Variants in COL7A1 observed in about 807,000 individuals in gnomAD.
COL7A1 encodes the protein collagen alpha-1(VII) chain.
In COL7A1, 296 loss-of-function variants were observed where a neutral mutation model predicts 456.2. That is an observed-to-expected ratio of 0.65 (90% CI 0.59 to 0.71). The LOEUF (loss-of-function observed/expected upper bound fraction) is 0.71. Ranked by LOEUF, COL7A1 falls within the 30% of genes least tolerant of loss-of-function variation. The pLI is 0.00. For missense variants in COL7A1, 3,441 were observed against 4,017.2 expected (o/e 0.86, Z 3.88); for synonymous variants, 1,464 against 1,525.9 (o/e 0.96, Z 0.95).
chr3:48,572,898 A>T lies in COL7A1; in HGVS notation c.6795T>A (p.Ser2265Arg). Residue 2265 changes from serine (S) to arginine (R), a missense_variant, in exon 87 of 119, where the codon AGT (serine) becomes AGA (arginine). Transcript: ENST00000681320. This position sits in a 1 kb window ranked among gnomAD's most constrained non-coding sequence, Gnocchi z 4.6. ...GGCTCCCTCTGTCTCCATCTTTTCC[A>T]CTGGCACCATCTCGACCTGGGGCTC... is the stretch of plus-strand genomic sequence containing the variant. ...KPGAPGRDGA[S>R]GKDGDRGSPG... 6.2e-7 allele frequency: 1 copy of T among 1,613,714 alleles called. No individual in the cohort carries two copies. Among genetic ancestry groups the T allele is most frequent in the South Asian group, 1.1e-5 (1 of 91,062 alleles).
chr3:48,576,340 T>A, intron 70 of COL7A1, 44 bp from the exon 71 acceptor site: 1 of 1,613,850 alleles, frequency 6.2e-7, no homozygotes, highest in Non-Finnish European at 8.5e-7. Flanking sequence ...CCTATGGGTG[T>A]GCATGTGCAC....
In COL7A1 at chr3:48,592,067, C is replaced by G. The variant is rs745399906; in HGVS notation, c.1240+35G>C. ...GCCTCCGGGCCTTGCCCTGCCTGCCCGTCCCAGCCTGAAGAAAGTGCCCAG... is the reference window on the plus strand; with the variant it reads ...GCCTCCGGGCCTTGCCCTGCCTGCCGGTCCCAGCCTGAAGAAAGTGCCCAG... On this transcript the variant is annotated intron_variant, in intron 10 of 118. Coordinates refer to ENST00000681320, the MANE Select transcript of COL7A1 (RefSeq NM_000094.4). The surrounding 1 kb of genome is among the most constrained non-coding windows in gnomAD (Gnocchi z 7.6). 3 of 1,614,056 alleles carry G rather than the reference C, an allele frequency of 1.9e-6. No individual in the cohort carries two copies. In the East Asian group the frequency reaches 6.7e-5, roughly 36 times the overall value.
At position 48,595,091 on chromosome 3, in the gene COL7A1, G is replaced by T; in HGVS notation, c.69C>A (p.Ala23=). 2 of 1,552,088 alleles carry T rather than the reference G, an allele frequency of 1.3e-6. No individual in the cohort carries two copies. The highest frequency in any genetic ancestry group is 2.4e-5 in the East Asian group (1 of 41,106). Residue 23 remains alanine (A), a synonymous_variant, in exon 2 of 119, where the codon GCC becomes GCA. Transcript: ENST00000681320. ...GGTGCCCACCTCTCTCCCTGTGCTGGGCTCGCACTCGGGGCGCCTCTGCCA... is the reference window on the plus strand; with the variant it reads ...GGTGCCCACCTCTCTCCCTGTGCTGTGCTCGCACTCGGGGCGCCTCTGCCA... ...GILAEAPRVR[A]QHRERVTCTR...
At chr3:48,582,295 C>T (rs2044818750) in intron 47 of COL7A1, 28 bp downstream of exon 47, 1 of 1,613,914 alleles carries the variant, frequency 6.2e-7, no homozygotes, top group Non-Finnish European at 8.5e-7. Flanking sequence ...CTGTGCTGTG[C>T]TCAGAGCGCC....
At chr3:48,577,051 G>C in intron 65 of COL7A1, 24 bp from the exon 66 acceptor site, 1 of 1,613,790 alleles carries the variant, frequency 6.2e-7, no homozygotes. Flanking sequence ...ACTCACATCA[G>C]CCCAAACATT....
chr3:48,587,628 G>A lies in COL7A1; in HGVS notation c.2858-74C>T, dbSNP rs2045368941. ...CCAGAAGGGAGAGATCTGAGATCCT[G>A]GGTCCGGTTTGTCTTATTGAAGCAT... is the stretch of plus-strand genomic sequence containing the variant. On this transcript the variant is annotated intron_variant, in intron 22 of 118. Transcript: ENST00000681320. This position sits in a 1 kb window ranked among gnomAD's most constrained non-coding sequence, Gnocchi z 6.1. The A allele has an allele frequency of 1.2e-6, 2 of 1,610,618 alleles. No individual in the cohort carries two copies. The highest frequency in any genetic ancestry group is 1.7e-6 in the Non-Finnish European group (2 of 1,177,962).
chr3:48,589,927 T>C (rs1023282877), intron 16 of COL7A1, among the ~76,000 whole-genome samples: 3 of 151,892 alleles, frequency 2.0e-5, no homozygotes, highest in Non-Finnish European at 4.4e-5. Flanking sequence ...AGAGGAGATT[T>C]GGGTCCAGCA....
rs751775822 is a variant in COL7A1, at chr3:48,575,265, G to A, written c.6181-23C>T. 1 of 1,613,878 alleles carries A rather than the reference G, an allele frequency of 6.2e-7. No homozygotes were observed. Among genetic ancestry groups the A allele is most frequent in the Non-Finnish European group, 8.5e-7 (1 of 1,179,968 alleles). On this transcript the variant is annotated intron_variant, in intron 74 of 118. Transcript: ENST00000681320. This position sits in a 1 kb window ranked among gnomAD's most constrained non-coding sequence, Gnocchi z 6.3. ...TCCCTGAAATGCAAATAGCGGGTGA[G>A]GGCCAAGCCCATGGGGGGTCCCACC...
Position 48,594,993 on chromosome 3 carries a change from G to T in COL7A1, c.85+82C>A. 4 of 1,136,464 alleles carry T rather than the reference G, an allele frequency of 3.5e-6. No homozygotes were observed. Among genetic ancestry groups the T allele is most frequent in the Non-Finnish European group, 5.1e-6 (4 of 785,306 alleles). 70.4% of individuals were successfully genotyped at this position (1,136,464 alleles called of 1,614,324 possible). On this transcript the variant is annotated intron_variant, in intron 2 of 118. Coordinates refer to ENST00000681320, the MANE Select transcript of COL7A1 (RefSeq NM_000094.4). The surrounding 1 kb of genome is among the most constrained non-coding windows in gnomAD (Gnocchi z 5.5). ...TGGAGTTGGCTGGGTTGTGGGCGGG[G>T]GGTGTTGGGGATGAAGGCCGAGTGG...
chr3:48,570,704 C>T lies in COL7A1; in HGVS notation c.7279G>A (p.Ala2427Thr). The T allele has an allele frequency of 6.4e-7, 1 of 1,574,674 alleles. No homozygotes were observed. The highest frequency in any genetic ancestry group is 8.6e-7 in the Non-Finnish European group (1 of 1,158,996). The change falls in exon 96 of 119, where the codon GCA becomes ACA. Residue 2427 changes from alanine to threonine, a missense_variant. Around this residue, in one of 3 missense-constraint regions of COL7A1, gnomAD observed 2,084 missense variants for 2,501.3 expected, o/e 0.83. Transcript: ENST00000681320. This position sits in a 1 kb window ranked among gnomAD's most constrained non-coding sequence, Gnocchi z 5.5. ...ATTCCTTCTCTCCCTGGGGGGCCTGCCAGACCCTACCAGAAAAATGGGGCA... is the reference window on the plus strand; with the variant it reads ...ATTCCTTCTCTCCCTGGGGGGCCTGTCAGACCCTACCAGAAAAATGGGGCA... ...QPGPSGERGL[A>T]GPPGREGIPG...
chr3:48,564,715 TCCTC>T lies in COL7A1; in HGVS notation c.8818+64_8818+67del. ...TGACCTGGAACCCTGGCCCAAGGAC[TCCTC>T]CCCCAGAACCCGATCCAGGCAGGCT... On this transcript the variant is annotated intron_variant, in intron 118 of 118. Transcript: ENST00000681320. The surrounding 1 kb of genome is among the most constrained non-coding windows in gnomAD (Gnocchi z 6.0). The T allele has an allele frequency of 2.6e-6, 4 of 1,532,818 alleles. No individual in the cohort carries two copies. In the South Asian group the frequency reaches 4.8e-5, roughly 18 times the overall value. 95.0% of individuals were successfully genotyped at this position (1,532,818 alleles called of 1,614,324 possible).
At position 48,565,095 on chromosome 3, in the gene COL7A1, C is replaced by G; in HGVS notation, c.8620+14G>C. 1 of 1,612,902 alleles carries G rather than the reference C, an allele frequency of 6.2e-7. No individual in the cohort carries two copies. Among genetic ancestry groups the G allele is most frequent in the Non-Finnish European group, 8.5e-7 (1 of 1,178,914 alleles). The stretch of plus-strand genomic sequence containing the variant: ...GCCCCTCCCCAGACCCCGCTGGCAG[C>G]CCCCCATTCTCACCATCACTATCCC... On this transcript the variant is annotated intron_variant, in intron 117 of 118. Transcript: ENST00000681320. This position sits in a 1 kb window ranked among gnomAD's most constrained non-coding sequence, Gnocchi z 4.5.
rs185558841 is a variant in COL7A1, at chr3:48,582,231, C to A, written c.4635+92G>T. On this transcript the variant is annotated intron_variant, in intron 47 of 118. Transcript: ENST00000681320. ...GCTCCCAGCCTGCTCACGGGCCCAGCACTGTGGAATCACAGCCCAGATAGT... is the reference window on the plus strand; with the variant it reads ...GCTCCCAGCCTGCTCACGGGCCCAGAACTGTGGAATCACAGCCCAGATAGT... 2.5e-6 allele frequency: 4 copies of A among 1,604,110 alleles called. No homozygotes were observed. The African/African-American group carries it at 4.0e-5, about 16-fold the overall frequency.
chr3:48,576,438 G>A lies in COL7A1; in HGVS notation c.5737-3C>T, dbSNP rs1345409176. ...GATCCAGTCTCCCCACGGTCACCCTGAAAACAAGAATGACCAGGTGGGGAA... is the reference window on the plus strand; with the variant it reads ...GATCCAGTCTCCCCACGGTCACCCTAAAAACAAGAATGACCAGGTGGGGAA... On this transcript the variant is annotated splice_region_variant and splice_polypyrimidine_tract_variant and intron_variant, in intron 69 of 118. Transcript: ENST00000681320. The A allele has an allele frequency of 1.2e-6, 2 of 1,613,636 alleles. No homozygotes were observed. The highest frequency in any genetic ancestry group is 1.7e-6 in the Non-Finnish European group (2 of 1,179,932).
In COL7A1 at chr3:48,591,041, T is replaced by C. The variant is rs1311663730; in HGVS notation, c.1637-225A>G. ...AGGGACACTGGAGGACAGGAGTCTG[T>C]GGGATCTTAGCATGTAGGATGACAG... On this transcript the variant is annotated intron_variant, in intron 13 of 118. Transcript: ENST00000681320. The surrounding 1 kb of genome is among the most constrained non-coding windows in gnomAD (Gnocchi z 7.0). Among the ~76,000 whole-genome samples the C allele has an allele frequency of 1.3e-5, 2 of 151,984 alleles. No homozygotes were observed. The highest frequency in any genetic ancestry group is 4.8e-5 in the African/African-American group (2 of 41,358).
At position 48,572,060 on chromosome 3, in the gene COL7A1, A is replaced by T; in HGVS notation, c.7024-15T>A. 2 of 1,612,658 alleles carry T rather than the reference A, an allele frequency of 1.2e-6. No homozygotes were observed. Among genetic ancestry groups the T allele is most frequent in the Non-Finnish European group, 8.5e-7 (1 of 1,179,470 alleles). On this transcript the variant is annotated splice_polypyrimidine_tract_variant and intron_variant, in intron 91 of 118. Transcript: ENST00000681320. This position sits in a 1 kb window ranked among gnomAD's most constrained non-coding sequence, Gnocchi z 4.6. ...CCAGCTTCACCCTGCACAGAATGGC[A>T]GGTGAGGGGTGTCTGGACTGAGCCT...
At position 48,568,737 on chromosome 3, in the gene COL7A1, G is replaced by GCTGGCT. The variant is rs1386474582; in HGVS notation, c.7758+41_7758+46dup. 1 of 1,540,114 alleles carries GCTGGCT rather than the reference G, an allele frequency of 6.5e-7. No individual in the cohort carries two copies. On this transcript the variant is annotated intron_variant, in intron 104 of 118. Coordinates refer to ENST00000681320, the MANE Select transcript of COL7A1 (RefSeq NM_000094.4). This position sits in a 1 kb window ranked among gnomAD's most constrained non-coding sequence, Gnocchi z 5.2. ...CCCCCAGGATATGTGTGTGTGTGAT[G>GCTGGCT]CTGGCTCTGGACCTGGGCCTGGGCC... is the stretch of plus-strand genomic sequence containing the variant.
In COL7A1 at chr3:48,580,144, A is replaced by G; in HGVS notation, c.5098-87T>C. 4 of 1,570,396 alleles carry G rather than the reference A, an allele frequency of 2.5e-6. No homozygotes were observed. Among genetic ancestry groups the G allele is most frequent in the East Asian group, 2.3e-5 (1 of 43,562 alleles). On this transcript the variant is annotated intron_variant, in intron 56 of 118. Coordinates refer to ENST00000681320, the MANE Select transcript of COL7A1 (RefSeq NM_000094.4). This position sits in a 1 kb window ranked among gnomAD's most constrained non-coding sequence, Gnocchi z 4.5. The stretch of plus-strand genomic sequence containing the variant: ...TGCCCCAGGCTCAACTCTGCCCCCA[A>G]GTTCCCCGAAGCACCCCAATGCCAG...
At chr3:48,589,228 C>A (rs1303633343) in intron 18 of COL7A1, 99 bp downstream of exon 18, 2 of 1,572,070 alleles carry the variant, frequency 1.3e-6, no homozygotes, top group Non-Finnish European at 1.7e-6. Flanking sequence ...ACAGGACAGT[C>A]ACTGAGCAGG....
Sources: gnomAD v4.1 joint callset for allele counts (sites outside exome capture counted in the v4.1 genomes callset) on GRCh38, gnomAD v4.1.1 for gene constraint, gnomAD v4.1.1 regional missense constraint, Gnocchi (gnomAD v3.1) non-coding constraint, MANE v1.5 for transcripts, NCBI Gene and HGNC (gene_info 2026-07-23, HGNC 2026-07-21) for gene names.